Variants in ITGA1 observed in about 807,000 individuals in gnomAD.
The protein encoded by ITGA1 is integrin subunit alpha 1, also known as integrin alpha-1.
Under a neutral mutation model 145.9 loss-of-function variants are expected in ITGA1, and 85 were observed. The observed-to-expected ratio is 0.58, with a 90% CI of 0.49 to 0.70. The LOEUF (loss-of-function observed/expected upper bound fraction) is 0.70. ITGA1 is among the 30% of genes least tolerant of loss of function. The pLI is 0.00. For missense variants in ITGA1, 1,351 were observed against 1,418.7 expected (o/e 0.95, Z 0.77); for synonymous variants, 520 against 495.3 (o/e 1.05, Z -0.66).
At chr5:52,920,190 C>T (rs576304843) in intron 16 of ITGA1, 142 bp from the exon 17 acceptor site, 1 of 596,990 alleles carries the variant, frequency 1.7e-6, no homozygotes, top group Admixed American at 3.5e-5. Flanking sequence ...ATTGTTATAA[C>T]AGTGTGGATA....
At chr5:52,823,015 C>T (rs1056942991) in intron 1 of ITGA1, among the ~76,000 whole-genome samples, 4 of 152,074 alleles carry the variant, frequency 2.6e-5, no homozygotes, top group Non-Finnish European at 5.9e-5. Context: ...AAGGACACAT[C>T]GAGTTTGTAT....
intron 1 of ITGA1, among the ~76,000 whole-genome samples, chr5:52,817,765 C>T (rs769566070): frequency 4.6e-5 from 7 of 152,106 alleles, no homozygotes; most frequent in Admixed American, 1.3e-4. Context: ...AAAGATATAA[C>T]GTATTTATAA....
At chr5:52,881,835 T>A (rs1242577738) in intron 6 of ITGA1, 38 bp from the exon 7 acceptor site, 1 of 1,566,142 alleles carries the variant, frequency 6.4e-7, no homozygotes. Flanking sequence ...ACAGGAAATT[T>A]GGATTGACGT....
intron 24 of ITGA1, 23 bp from the exon 25 acceptor site, chr5:52,939,566 TA>T: frequency 6.8e-7 from 1 of 1,462,764 alleles, no homozygotes; most frequent in Non-Finnish European, 9.6e-7. Context: ...CATTGTCTGA[TA>T]AATGTAATAT....
intron 28 of ITGA1, chr5:52,948,829 A>C (rs946451255): frequency 2.0e-5 from 3 of 152,074 alleles, no homozygotes; most frequent in African/African-American, 4.8e-5. Context: ...ACTTACCTCT[A>C]TGGTTTTAGA....
chr5:52,808,676 C>CTTTTTTTTTTTTTTTTTT (rs60113844), intron 1 of ITGA1, among the ~76,000 whole-genome samples: 80 of 69,320 alleles, frequency 1.2e-3, no homozygotes, highest in East Asian at 3.0e-3. Context: ...TTCTTTCTTT[C>CTTTTTTTTTTTTTTTTTT]TTTTTTTTTT....
At chr5:52,892,631 C>A (rs1365382456) in intron 8 of ITGA1, among the ~76,000 whole-genome samples, 1 of 152,110 alleles carries the variant, frequency 6.6e-6, no homozygotes, top group Non-Finnish European at 1.5e-5. Flanking sequence ...TGTGGTGCAT[C>A]CATACAATGG....
intron 1 of ITGA1, chr5:52,803,352 T>G (rs1424526269): frequency 6.6e-6 from 1 of 152,196 alleles, no homozygotes; most frequent in Non-Finnish European, 1.5e-5. Context: ...CTATCAAATA[T>G]GTTACTAAAT....
intron 14 of ITGA1, among the ~76,000 whole-genome samples, chr5:52,911,211 ATAGTGTATATATAGTATATG>A (rs1750517638): frequency 7.3e-6 from 1 of 136,396 alleles, no homozygotes; most frequent in Non-Finnish European, 1.5e-5. Context: ...TATATAATAT[ATAGTGTATATATAGTATATG>A]TAGTGTATAT....
At chr5:52,849,072 T>A (rs1749384639) in intron 1 of ITGA1, among the ~76,000 whole-genome samples, 1 of 152,216 alleles carries the variant, frequency 6.6e-6, no homozygotes, top group South Asian at 2.1e-4. Context: ...GCATGATTTA[T>A]AATCCTTTGC....
At chr5:52,847,341 A>G (rs1749353366) in intron 1 of ITGA1, among the ~76,000 whole-genome samples, 1 of 152,200 alleles carries the variant, frequency 6.6e-6, no homozygotes, top group African/African-American at 2.4e-5. Flanking sequence ...TTTAAAGTAT[A>G]TTTATGAAAA....
chr5:52,832,851 G>T (rs1176094764), intron 1 of ITGA1, among the ~76,000 whole-genome samples: 1 of 121,608 alleles, frequency 8.2e-6, no homozygotes, highest in Admixed American at 8.5e-5. Context: ...TTTTTTGGTA[G>T]ATTTTTTTTG....
intron 13 of ITGA1, among the ~76,000 whole-genome samples, chr5:52,909,897 T>A (rs907277723): frequency 2.0e-5 from 3 of 152,076 alleles, no homozygotes; most frequent in Non-Finnish European, 2.9e-5. Context: ...TATAATATTA[T>A]TTGGCCTGAA....
rs180879297 is a variant in ITGA1 at position 52,866,596 on chromosome 5, A to G, written c.624+779A>G. ...TTAAAGCCTGTTGTCCTTTCTGTTA[A>G]TAATTTCTTTTCCCTAAGTTAAAAG... On this transcript the variant is annotated intron_variant, in intron 6 of 28. Transcript: ENST00000282588. Among the ~76,000 whole-genome samples the G allele has an allele frequency of 6.0e-4, 91 of 152,298 alleles. No individual in the cohort carries two copies. In the East Asian group the frequency reaches 0.016, roughly 26 times the overall value.
At chr5:52,910,512 C>A in intron 14 of ITGA1, 93 bp downstream of exon 14, 1 of 1,365,774 alleles carries the variant, frequency 7.3e-7, no homozygotes, top group Non-Finnish European at 1.0e-6. Flanking sequence ...TATTTAATTT[C>A]TTCCTCCTGA....
intron 21 of ITGA1, among the ~76,000 whole-genome samples, chr5:52,930,851 GTAT>G (rs1202255009): frequency 4.6e-5 from 7 of 152,098 alleles, no homozygotes; most frequent in African/African-American, 1.4e-4. Context: ...GTCAGTCAAG[GTAT>G]TATTTCTTAA....
chr5:52,895,572 T>G (rs188819200), intron 9 of ITGA1, among the ~76,000 whole-genome samples: 3 of 152,172 alleles, frequency 2.0e-5, no homozygotes, highest in Admixed American at 2.0e-4. Context: ...GAATACAGTG[T>G]CATTTCTAAA....
At chr5:52,912,742 A>G (rs555488634) in intron 14 of ITGA1, among the ~76,000 whole-genome samples, 80 of 135,244 alleles carry the variant, frequency 5.9e-4, no homozygotes, top group Non-Finnish European at 8.0e-4. Flanking sequence ...GTGTGTGTGT[A>G]TATATATATA....
intron 2 of ITGA1, among the ~76,000 whole-genome samples, chr5:52,852,967 G>A (rs142376240): frequency 3.0e-4 from 46 of 152,266 alleles, no homozygotes; most frequent in African/African-American, 1.0e-3. Flanking sequence ...ACTCAGTCTT[G>A]TGCCTTTTTC....
Sources: gnomAD v4.1 joint callset for allele counts (sites outside exome capture counted in the v4.1 genomes callset) on GRCh38, gnomAD v4.1.1 for gene constraint, MANE v1.5 for transcripts, NCBI Gene and HGNC (gene_info 2026-07-23, HGNC 2026-07-21) for gene names.